The following FAM234A variants were observed in gnomAD, a reference collection of about 807,000 sequenced individuals.
The protein encoded by FAM234A is protein FAM234A.
FAM234A carries 42 observed loss-of-function variants against 49.1 expected under a neutral mutation model. That is an observed-to-expected ratio of 0.86 (90% CI 0.67 to 1.11). The LOEUF (loss-of-function observed/expected upper bound fraction) is 1.11. Ranked by LOEUF, FAM234A falls within the 50% of genes least tolerant of loss-of-function variation. FAM234A has a pLI of 0.00. For synonymous variants in FAM234A, 369 were observed against 316.2 expected (o/e 1.17, Z -1.77); for missense variants, 815 against 745.2 (o/e 1.09, Z -1.09).
At chr16:235,337 C>G (rs1448397582) in intron 1 of FAM234A, among the ~76,000 whole-genome samples, 3 of 152,168 alleles carry the variant, frequency 2.0e-5, no homozygotes, top group Non-Finnish European at 4.4e-5. Flanking sequence ...GGGACGCTGT[C>G]TGCAAGCTTG....
At chr16:269,434 C>T (rs1214700008), downstream of FAM234A, 1 of 1,585,828 alleles carries the variant, frequency 6.3e-7, no homozygotes, top group African/African-American at 1.3e-5. Flanking sequence ...GTGTCCTGCC[C>T]ACCTCACTGC....
At position 263,574 on chromosome 16, in the gene FAM234A, C is replaced by T. The variant is rs74003714; in HGVS notation, c.1113-126C>T. On this transcript the variant is annotated intron_variant, in intron 9 of 12. Transcript: ENST00000399932. ...TGCCCCTTGCCCCAGACGTCGGCTCCGTGTCCTGGGCCCTGGTCCAGATGT... is the reference window on the plus strand; with the variant it reads ...TGCCCCTTGCCCCAGACGTCGGCTCTGTGTCCTGGGCCCTGGTCCAGATGT... The T allele has an allele frequency of 1.1e-3, 1,369 of 1,269,578 alleles. 13 individuals are homozygous for T. The African/African-American group carries it at 0.015, about 14-fold the overall frequency. The allele number at this position is 1,269,578 out of a possible 1,614,324, so 78.6% of individuals were successfully genotyped here.
chr16:240,289 A>T (rs2050564772), intron 1 of FAM234A: 1 of 152,172 alleles, frequency 6.6e-6, no homozygotes, highest in Non-Finnish European at 1.5e-5. Context: ...GAGTTATCTT[A>T]CTTGTCTTTT....
At chr16:256,031 C>T (rs781305290) in intron 3 of FAM234A, among the ~76,000 whole-genome samples, 14 of 152,296 alleles carry the variant, frequency 9.2e-5, no homozygotes, top group African/African-American at 1.7e-4. Flanking sequence ...CTTAACTTAG[C>T]GTGATGTTTT....
intron 2 of FAM234A, among the ~76,000 whole-genome samples, chr16:251,528 C>T (rs527486725): frequency 3.3e-5 from 5 of 151,928 alleles, no homozygotes; most frequent in African/African-American, 4.8e-5. Flanking sequence ...GCGAGCGCCG[C>T]CATACCCAAC....
intron 1 of FAM234A, among the ~76,000 whole-genome samples, chr16:242,740 G>A (rs995946479): frequency 2.0e-5 from 3 of 151,308 alleles, no homozygotes; most frequent in Non-Finnish European, 4.4e-5. Context: ...AGCCTCCTGA[G>A]TAGCTGGGAT....
intron 6 of FAM234A, among the ~76,000 whole-genome samples, chr16:261,803 C>G (rs1260828580): frequency 2.0e-5 from 3 of 152,228 alleles, no homozygotes; most frequent in Non-Finnish European, 4.4e-5. Flanking sequence ...ACCTGTGAGG[C>G]ACTGGGGCTG....
intron 12 of FAM234A, 26 bp downstream of exon 12, chr16:264,742 C>T (rs372291643): frequency 2.8e-5 from 45 of 1,607,830 alleles, no homozygotes; most frequent in Middle Eastern, 3.3e-4. Flanking sequence ...GCCAGGGACC[C>T]GGGTGTTCCG....
At chr16:264,523 CAT>C (rs1315681541) in intron 11 of FAM234A, 89 bp from the exon 12 acceptor site, 12 of 899,714 alleles carry the variant, frequency 1.3e-5, no homozygotes, top group African/African-American at 1.3e-4. Flanking sequence ...CCCTAGCAGA[CAT>C]AGAGCTCCAG....
chr16:241,892 C>T (rs1487023373), intron 1 of FAM234A, among the ~76,000 whole-genome samples: 2 of 132,230 alleles, frequency 1.5e-5, no homozygotes, highest in South Asian at 2.3e-4. Flanking sequence ...GGCGACAGAG[C>T]GAGACAACGT....
intron 2 of FAM234A, among the ~76,000 whole-genome samples, chr16:251,615 C>T (rs912204637): frequency 6.6e-6 from 1 of 151,150 alleles, no homozygotes; most frequent in Non-Finnish European, 1.5e-5. Context: ...TGAGGTCAAG[C>T]ACTCCACTCA....
At chr16:238,889 C>G (rs1448721609) in intron 1 of FAM234A, among the ~76,000 whole-genome samples, 5 of 148,674 alleles carry the variant, frequency 3.4e-5, no homozygotes, top group African/African-American at 1.2e-4. Flanking sequence ...TCGAGACTAT[C>G]CTGGCTAACA....
At chr16:237,343 T>C (rs1465885673) in intron 1 of FAM234A, among the ~76,000 whole-genome samples, 1 of 152,158 alleles carries the variant, frequency 6.6e-6, no homozygotes, top group East Asian at 1.9e-4. Flanking sequence ...CAGGAATTGA[T>C]CAGTGGCTTA....
At position 261,304 on chromosome 16, in the gene FAM234A, C is replaced by T. The variant is rs1327097223; in HGVS notation, c.578-80C>T. Reference sequence around the variant, plus strand: ...GGGTGATGCCTCAACAGGAGCCTGCCTGTCACAGGCCTTGCAGTTGCCGGG... The same window carrying T: ...GGGTGATGCCTCAACAGGAGCCTGCTTGTCACAGGCCTTGCAGTTGCCGGG... On this transcript the variant is annotated intron_variant, in intron 5 of 12. Coordinates refer to ENST00000399932, the MANE Select transcript of FAM234A (RefSeq NM_032039.4). 17 of 1,525,544 alleles carry T rather than the reference C, an allele frequency of 1.1e-5. No homozygotes were observed. The East Asian group carries it at 3.4e-4, about 31-fold the overall frequency. The allele number at this position is 1,525,544 out of a possible 1,614,324, so 94.5% of individuals were successfully genotyped here.
downstream of FAM234A, chr16:269,700 C>G (rs182767677): frequency 6.0e-6 from 5 of 836,724 alleles, no homozygotes; most frequent in Non-Finnish European, 9.5e-6. Flanking sequence ...GAGTCTCCGG[C>G]GGACAGGGTG....
chr16:256,825 C>T (rs959401195), intron 3 of FAM234A, among the ~76,000 whole-genome samples: 8 of 151,346 alleles, frequency 5.3e-5, no homozygotes, highest in South Asian at 2.1e-4. Flanking sequence ...TCACCGTAAT[C>T]GCCACCTCCC....
At chr16:251,694 T>G (rs890057159) in intron 2 of FAM234A, among the ~76,000 whole-genome samples, 14 of 146,334 alleles carry the variant, frequency 9.6e-5, no homozygotes, top group South Asian at 4.4e-4. Flanking sequence ...TTTTTTTTTT[T>G]TTTTTTTTTT....
rs560421151 is a variant in FAM234A at position 263,871 on chromosome 16, C to T, written c.1188+96C>T. 9.6e-5 allele frequency: 134 copies of T among 1,394,368 alleles called. No individual in the cohort carries two copies. The East Asian group carries it at 2.0e-3, about 20-fold the overall frequency. The allele number at this position is 1,394,368 out of a possible 1,614,324, so 86.4% of individuals were successfully genotyped here. On this transcript the variant is annotated intron_variant, in intron 10 of 12. Coordinates refer to ENST00000399932, the MANE Select transcript of FAM234A (RefSeq NM_032039.4). ...GGGCTGCGGCCCAGGAGGCTGCTGCCGTCAGAGCTGCTGAGAAGGTTCTGC... is the reference window on the plus strand; with the variant it reads ...GGGCTGCGGCCCAGGAGGCTGCTGCTGTCAGAGCTGCTGAGAAGGTTCTGC...
chr16:235,784 C>T (rs551094388), intron 1 of FAM234A, among the ~76,000 whole-genome samples: 13 of 152,260 alleles, frequency 8.5e-5, no homozygotes, highest in Non-Finnish European at 8.8e-5. Context: ...TATAGTACTC[C>T]ACGAAAGAAC....
Sources: gnomAD v4.1 joint callset for allele counts (sites outside exome capture counted in the v4.1 genomes callset) on GRCh38, gnomAD v4.1.1 for gene constraint, MANE v1.5 for transcripts, NCBI Gene and HGNC (gene_info 2026-07-23, HGNC 2026-07-21) for gene names.